CPED1: variants seen among roughly 807,000 people sequenced by gnomAD.
CPED1 encodes the protein cadherin-like and PC-esterase domain-containing protein 1.
Under a neutral mutation model 128.2 loss-of-function variants are expected in CPED1, and 114 were observed. The ratio of observed to expected loss-of-function variants is 0.89; its 90% CI spans 0.76 to 1.04. CPED1 has a LOEUF of 1.04. Among genes scored for constraint, CPED1 ranks in the 50% least tolerant of loss-of-function variants. The pLI, the probability that CPED1 is intolerant of heterozygous loss-of-function variation, is 0.00. For synonymous variants in CPED1, 462 were observed against 426.7 expected (o/e 1.08, Z -1.02); for missense variants, 1,211 against 1,207.1 (o/e 1.00, Z -0.05).
intron 5 of CPED1, among the ~76,000 whole-genome samples, chr7:121,093,425 C>T (rs1356362402): frequency 6.6e-6 from 1 of 151,412 alleles, no homozygotes; most frequent in Non-Finnish European, 1.5e-5. Flanking sequence ...CACACACACA[C>T]ACAGTTGTTT....
chr7:121,149,011 G>A (rs775313308), intron 16 of CPED1, among the ~76,000 whole-genome samples: 180 of 152,282 alleles, frequency 1.2e-3, no homozygotes, highest in Non-Finnish European at 6.2e-4. Flanking sequence ...ATCTTTAGCA[G>A]TGGCACCTAC....
chr7:121,245,605 T>C (rs1475506059), intron 18 of CPED1, among the ~76,000 whole-genome samples: 1 of 152,104 alleles, frequency 6.6e-6, no homozygotes, highest in Non-Finnish European at 1.5e-5. Context: ...AAGGTAGATA[T>C]TATCATATCT....
At position 121,024,274 on chromosome 7, in the gene CPED1, T is replaced by A. The variant is rs185214992; in HGVS notation, c.433+8426T>A. On this transcript the variant is annotated intron_variant, in intron 3 of 22. Transcript: ENST00000310396. ...AATTTACTTTAATTTTTGAAAAAAA[T>A]TTTCTTATTTATAAAAGTTGAGCTT... Among the ~76,000 whole-genome samples, 58 of 152,230 alleles carry A rather than the reference T, an allele frequency of 3.8e-4. 1 individual carries two copies. In the East Asian group the frequency reaches 9.9e-3, roughly 26 times the overall value.
chr7:121,142,273 A>G, intron 16 of CPED1, 132 bp downstream of exon 16: 2 of 823,898 alleles, frequency 2.4e-6, no homozygotes, highest in Non-Finnish European at 3.8e-6. Context: ...ATTTCAAAAA[A>G]GTGAGAATCC....
chr7:121,081,988 A>G (rs143550983), intron 5 of CPED1, among the ~76,000 whole-genome samples: 219 of 152,232 alleles, frequency 1.4e-3, no homozygotes, highest in Middle Eastern at 3.4e-3. Context: ...CTGAGCATCT[A>G]TGAGAATGTA....
intron 18 of CPED1, among the ~76,000 whole-genome samples, chr7:121,265,885 G>A (rs1017217810): frequency 6.6e-5 from 10 of 152,042 alleles, no homozygotes; most frequent in Non-Finnish European, 4.4e-5. Context: ...TATTCCTAGA[G>A]CACTAAAATG....
At chr7:121,177,917 C>A (rs1396526086) in intron 16 of CPED1, among the ~76,000 whole-genome samples, 1 of 152,038 alleles carries the variant, frequency 6.6e-6, no homozygotes, top group East Asian at 1.9e-4. Context: ...GGATTCTTCC[C>A]TACAGGAAAG....
intron 16 of CPED1, 139 bp downstream of exon 16, chr7:121,142,280 A>C (rs1795923558): frequency 3.9e-6 from 3 of 763,988 alleles, no homozygotes; most frequent in South Asian, 4.1e-5. Context: ...AAAAGTGAGA[A>C]TCCCAGCCAG....
intron 16 of CPED1, among the ~76,000 whole-genome samples, chr7:121,163,689 G>A (rs1343925626): frequency 6.6e-6 from 1 of 152,162 alleles, no homozygotes; most frequent in Non-Finnish European, 1.5e-5. Context: ...TTATAGTATA[G>A]GATTCCCTCT....
intron 5 of CPED1, among the ~76,000 whole-genome samples, chr7:121,085,156 A>T (rs1000723876): frequency 6.6e-6 from 1 of 152,074 alleles, no homozygotes; most frequent in Non-Finnish European, 1.5e-5. Context: ...CACCAAAGGC[A>T]CTCTGCCCCT....
intron 22 of CPED1, among the ~76,000 whole-genome samples, chr7:121,284,463 A>T (rs962641426): frequency 3.9e-5 from 6 of 152,142 alleles, no homozygotes; most frequent in Non-Finnish European, 8.8e-5. Context: ...TTAACCCAAA[A>T]GTCAAAGTCT....
chr7:121,142,041 C>T lies in CPED1; in HGVS notation c.1955C>T (p.Ala652Val), dbSNP rs1442159564. 3.7e-6 allele frequency: 6 copies of T among 1,612,616 alleles called. No individual in the cohort carries two copies. Among genetic ancestry groups the T allele is most frequent in the Admixed American group, 1.7e-5 (1 of 59,854 alleles). The change falls in exon 16 of 23, where the codon GCA (alanine) becomes GTA (valine). Residue 652 changes from alanine to valine, a missense_variant. Transcript: ENST00000310396. ...ATATTTGTTGTGGATGAATCTCCAG[C>T]ACACGGTGAGACTCTGATCACGTAC... ...ISIFVVDESP[A>V]HGETLITYKL...
intron 18 of CPED1, among the ~76,000 whole-genome samples, chr7:121,250,906 C>G (rs1300089083): frequency 6.6e-6 from 1 of 152,240 alleles, no homozygotes; most frequent in East Asian, 1.9e-4. Context: ...GAGCTGGTAC[C>G]ATTCCTTCTG....
chr7:121,250,470 T>C (rs1352536673), intron 18 of CPED1, among the ~76,000 whole-genome samples: 1 of 151,442 alleles, frequency 6.6e-6, no homozygotes, highest in East Asian at 1.9e-4. Flanking sequence ...ATAACTAAGA[T>C]CAGAGCAGAA....
chr7:121,203,771 G>T (rs1052263809), intron 16 of CPED1, among the ~76,000 whole-genome samples: 3 of 152,246 alleles, frequency 2.0e-5, no homozygotes, highest in Admixed American at 6.5e-5. Context: ...AAAGGTAATT[G>T]TATTAAATGA....
chr7:121,276,260 CA>C (rs942851973), intron 22 of CPED1, among the ~76,000 whole-genome samples: 2 of 152,058 alleles, frequency 1.3e-5, no homozygotes, highest in Non-Finnish European at 2.9e-5. Flanking sequence ...ATCACACTAC[CA>C]TTTATAAACT....
chr7:121,236,801 C>T lies in CPED1; in HGVS notation c.2143C>T (p.Leu715=). The part of the protein sequence containing the change: ...DYIEAILQSE[L]KRCPSGDMKG... ...CATTGAAGCCATTTTACAGTCTGAACTAAAAAGATGTCCATCTGGGGACAT... is the reference window on the plus strand; with the variant it reads ...CATTGAAGCCATTTTACAGTCTGAATTAAAAAGATGTCCATCTGGGGACAT... The change falls in exon 17 of 23, where the codon CTA becomes TTA. Residue 715 remains leucine, a synonymous_variant. Coordinates refer to ENST00000310396, the MANE Select transcript of CPED1 (RefSeq NM_024913.5). 2.5e-6 allele frequency: 4 copies of T among 1,603,476 alleles called. No homozygotes were observed. Among genetic ancestry groups the T allele is most frequent in the Non-Finnish European group, 3.4e-6 (4 of 1,174,046 alleles).
intron 16 of CPED1, among the ~76,000 whole-genome samples, chr7:121,149,384 AT>A (rs1241706710): frequency 3.9e-5 from 6 of 152,210 alleles, no homozygotes; most frequent in Admixed American, 2.6e-4. Context: ...TTCAGCACTT[AT>A]ATAAATTATC....
At chr7:121,178,063 C>T (rs1321887091) in intron 16 of CPED1, among the ~76,000 whole-genome samples, 1 of 152,000 alleles carries the variant, frequency 6.6e-6, no homozygotes, top group African/African-American at 2.4e-5. Flanking sequence ...CTCTTGAATC[C>T]AGATCTTTTT....
Sources: allele counts gnomAD v4.1 joint callset (sites outside exome capture counted in the v4.1 genomes callset), GRCh38; gene constraint gnomAD v4.1.1; transcripts MANE v1.5; gene names NCBI Gene and HGNC (gene_info 2026-07-23, HGNC 2026-07-21).